Variants in CCDC146 observed in about 807,000 individuals in gnomAD.
CCDC146 encodes the protein coiled-coil domain containing 146.
CCDC146 carries 92 observed loss-of-function variants against 119.3 expected under a neutral mutation model. The ratio of observed to expected loss-of-function variants is 0.77; its 90% CI spans 0.65 to 0.92. CCDC146 has a LOEUF of 0.92. CCDC146 is among the 40% of genes least tolerant of loss of function. The pLI is 0.00. For missense variants in CCDC146, 1,000 were observed against 1,103.0 expected (o/e 0.91, Z 1.32); for synonymous variants, 372 against 371.8 (o/e 1.00, Z -0.01).
intron 1 of CCDC146, among the ~76,000 whole-genome samples, chr7:77,158,013 T>G (rs1484240351): frequency 6.6e-6 from 1 of 152,156 alleles, no homozygotes; most frequent in African/African-American, 2.4e-5. Context: ...GCCATTCTTC[T>G]CAGCAATATT....
intron 1 of CCDC146, among the ~76,000 whole-genome samples, chr7:77,125,165 G>C (rs1293530897): frequency 2.6e-5 from 4 of 151,930 alleles, no homozygotes; most frequent in African/African-American, 9.7e-5. Context: ...CTGCACTCCA[G>C]CCTGGGCGGC....
intron 2 of CCDC146, among the ~76,000 whole-genome samples, chr7:77,213,993 G>T (rs1179087982): frequency 6.6e-6 from 1 of 152,168 alleles, no homozygotes; most frequent in Non-Finnish European, 1.5e-5. Context: ...CAGTGGGAGT[G>T]CTGGGTCAAA....
At chr7:77,289,596 G>A (rs77176237) in intron 17 of CCDC146, among the ~76,000 whole-genome samples, 12,253 of 152,272 alleles carry the variant, frequency 0.08, 682 homozygotes, top group Non-Finnish European at 0.11. Context: ...TGTAATGGGT[G>A]TGATAGCCAA....
At chr7:77,284,358 C>G (rs1300406325) in intron 15 of CCDC146, among the ~76,000 whole-genome samples, 1 of 152,086 alleles carries the variant, frequency 6.6e-6, no homozygotes, top group Non-Finnish European at 1.5e-5. Flanking sequence ...TTCACCTCCC[C>G]TCTCCCTCCA....
intron 2 of CCDC146, among the ~76,000 whole-genome samples, chr7:77,171,257 C>T (rs1256594417): frequency 6.6e-6 from 1 of 152,150 alleles, no homozygotes; most frequent in Non-Finnish European, 1.5e-5. Context: ...TAAAATAACT[C>T]CTCTCCATGT....
intron 8 of CCDC146, among the ~76,000 whole-genome samples, chr7:77,260,579 A>T (rs910905896): frequency 3.3e-5 from 5 of 152,156 alleles, no homozygotes; most frequent in Admixed American, 1.3e-4. Flanking sequence ...ACTTTTTTCT[A>T]ACAGAAGCAA....
At chr7:77,279,363 T>A (rs1793720145) in intron 13 of CCDC146, among the ~76,000 whole-genome samples, 1 of 152,188 alleles carries the variant, frequency 6.6e-6, no homozygotes, top group Non-Finnish European at 1.5e-5. Context: ...GTTTTATAGA[T>A]GATAATCTAC....
chr7:77,134,460 G>C (rs2117401883), intron 1 of CCDC146, among the ~76,000 whole-genome samples: 1 of 152,120 alleles, frequency 6.6e-6, no homozygotes, highest in East Asian at 1.9e-4. Context: ...AACTACAGCA[G>C]ATCCTCAAAT....
At chr7:77,234,809 T>C (rs1792703187) in intron 2 of CCDC146, among the ~76,000 whole-genome samples, 1 of 152,150 alleles carries the variant, frequency 6.6e-6, no homozygotes, top group African/African-American at 2.4e-5. Context: ...TTGATACAGG[T>C]AGAGTATCCT....
chr7:77,227,881 T>C (rs954301265), intron 2 of CCDC146, among the ~76,000 whole-genome samples: 7 of 152,258 alleles, frequency 4.6e-5, no homozygotes, highest in Non-Finnish European at 1.0e-4. Flanking sequence ...ACATTCTTAC[T>C]ACCCAGAGCA....
chr7:77,130,622 G>T (rs1244831746), intron 1 of CCDC146, among the ~76,000 whole-genome samples: 2 of 141,672 alleles, frequency 1.4e-5, no homozygotes, highest in Non-Finnish European at 1.5e-5. Flanking sequence ...TTTTTGAGAC[G>T]GAGTTTCGCT....
At chr7:77,172,613 C>T (rs1304512548) in intron 2 of CCDC146, among the ~76,000 whole-genome samples, 1 of 152,098 alleles carries the variant, frequency 6.6e-6, no homozygotes, top group African/African-American at 2.4e-5. Context: ...CAATTTATAC[C>T]CAAACTACTT....
At chr7:77,285,056 C>T (rs6947774) in intron 15 of CCDC146, among the ~76,000 whole-genome samples, 57,537 of 151,492 alleles carry the variant, frequency 0.38, 13,007 homozygotes, top group African/African-American at 0.63. Flanking sequence ...TTTTTTCGGT[C>T]GTCCATAACA....
chr7:77,214,434 G>A (rs1792260235), intron 2 of CCDC146, among the ~76,000 whole-genome samples: 1 of 152,022 alleles, frequency 6.6e-6, no homozygotes, highest in African/African-American at 2.4e-5. Context: ...TCTTTGCTGT[G>A]CTGAATCTCT....
At chr7:77,159,026 C>G (rs935358344) in intron 1 of CCDC146, among the ~76,000 whole-genome samples, 4 of 151,972 alleles carry the variant, frequency 2.6e-5, no homozygotes, top group African/African-American at 9.7e-5. Flanking sequence ...AAATACTGTA[C>G]ATATTTAATG....
At chr7:77,264,002 A>G (rs1015799689) in intron 9 of CCDC146, among the ~76,000 whole-genome samples, 50 of 152,156 alleles carry the variant, frequency 3.3e-4, no homozygotes, top group African/African-American at 1.1e-3. Flanking sequence ...TAAAACATGT[A>G]TGTTCTACTA....
At chr7:77,165,203 A>C (rs1791322735) in intron 1 of CCDC146, among the ~76,000 whole-genome samples, 1 of 151,898 alleles carries the variant, frequency 6.6e-6, no homozygotes, top group Admixed American at 6.6e-5. Flanking sequence ...ATACATGACC[A>C]AATCGATGGC....
At chr7:77,252,136 G>A (rs1366127659) in intron 4 of CCDC146, among the ~76,000 whole-genome samples, 1 of 152,120 alleles carries the variant, frequency 6.6e-6, no homozygotes, top group African/African-American at 2.4e-5. Flanking sequence ...GGAACAGAGC[G>A]AGACTCCATC....
At chr7:77,243,638 G>A (rs574370923) in intron 4 of CCDC146, among the ~76,000 whole-genome samples, 69 of 150,006 alleles carry the variant, frequency 4.6e-4, no homozygotes, top group African/African-American at 1.6e-3. Flanking sequence ...TTTACTATTC[G>A]ATACATTTTA....
Sources: gnomAD v4.1 joint callset for allele counts (sites outside exome capture counted in the v4.1 genomes callset) on GRCh38, gnomAD v4.1.1 for gene constraint, MANE v1.5 for transcripts, NCBI Gene and HGNC (gene_info 2026-07-23, HGNC 2026-07-21) for gene names.